Variants in MACROD2 observed in about 807,000 individuals in gnomAD.
MACROD2 encodes ADP-ribose glycohydrolase MACROD2.
In MACROD2, 36 loss-of-function variants were observed where a neutral mutation model predicts 70.4. The ratio of observed to expected loss-of-function variants is 0.51; its 90% CI spans 0.39 to 0.68. MACROD2 has a LOEUF of 0.68. Among genes scored for constraint, MACROD2 ranks in the 30% least tolerant of loss-of-function variants. The pLI is 0.00. For synonymous variants in MACROD2, 172 were observed against 178.8 expected (o/e 0.96, Z 0.30); for missense variants, 496 against 538.4 (o/e 0.92, Z 0.78).
chr20:15,278,836 A>T (rs2077416734), intron 6 of MACROD2, among the ~76,000 whole-genome samples: 1 of 152,192 alleles, frequency 6.6e-6, no homozygotes, highest in South Asian at 2.1e-4. Flanking sequence ...AGTCAAATGA[A>T]GTAGTGATTT....
chr20:14,540,081 T>A (rs1313030671), intron 4 of MACROD2, among the ~76,000 whole-genome samples: 1 of 152,200 alleles, frequency 6.6e-6, no homozygotes, highest in Non-Finnish European at 1.5e-5. Context: ...TTCACATACA[T>A]TTTTAAAGAC....
chr20:14,800,947 A>G (rs2072567548), intron 5 of MACROD2, among the ~76,000 whole-genome samples: 1 of 152,126 alleles, frequency 6.6e-6, no homozygotes, highest in African/African-American at 2.4e-5. Context: ...GTGGACACAT[A>G]TGGTTACAGT....
At chr20:15,671,328 A>G (rs1041525445) in intron 8 of MACROD2, among the ~76,000 whole-genome samples, 1 of 152,306 alleles carries the variant, frequency 6.6e-6, no homozygotes, top group East Asian at 1.9e-4. Context: ...CAGGAAAGAC[A>G]TGGCCAGATT....
chr20:16,019,664 A>G (rs1247941874), intron 15 of MACROD2, among the ~76,000 whole-genome samples: 3 of 152,218 alleles, frequency 2.0e-5, no homozygotes, highest in African/African-American at 7.2e-5. Flanking sequence ...TTCCTGGCCC[A>G]GCAGCAACAG....
chr20:14,337,978 A>G (rs1022488844), intron 3 of MACROD2, among the ~76,000 whole-genome samples: 1 of 152,226 alleles, frequency 6.6e-6, no homozygotes, highest in African/African-American at 2.4e-5. Context: ...CTGTATTGAA[A>G]AGAAGTTAAC....
At chr20:15,482,850 G>T (rs1480080923) in intron 7 of MACROD2, among the ~76,000 whole-genome samples, 3 of 152,048 alleles carry the variant, frequency 2.0e-5, no homozygotes, top group Non-Finnish European at 4.4e-5. Flanking sequence ...ATGCCTATTT[G>T]CCATCTGTGT....
At chr20:15,047,067 G>A (rs372274) in intron 5 of MACROD2, among the ~76,000 whole-genome samples, 48,851 of 152,022 alleles carry the variant, frequency 0.32, 10,573 homozygotes, top group African/African-American at 0.63. Flanking sequence ...AATGTGTTTT[G>A]TTCACAATGA....
At chr20:14,287,455 CTTA>C (rs139947400) in intron 3 of MACROD2, among the ~76,000 whole-genome samples, 99,142 of 151,618 alleles carry the variant, frequency 0.65, 33,253 homozygotes, top group Non-Finnish European at 0.73. Flanking sequence ...TTTATCAAAA[CTTA>C]TTATATATTT....
chr20:15,061,041 A>G (rs1271209647), intron 5 of MACROD2, among the ~76,000 whole-genome samples: 1 of 152,186 alleles, frequency 6.6e-6, no homozygotes, highest in Admixed American at 6.5e-5. Context: ...AATAAAAGTC[A>G]AGATGGTATG....
intron 3 of MACROD2, among the ~76,000 whole-genome samples, chr20:14,204,597 A>G (rs2081507812): frequency 6.6e-6 from 1 of 152,190 alleles, no homozygotes; most frequent in Admixed American, 6.5e-5. Flanking sequence ...CTGCAATGGG[A>G]ATGTGGACTG....
chr20:15,213,816 G>A (rs2076784914), intron 5 of MACROD2, among the ~76,000 whole-genome samples: 1 of 152,088 alleles, frequency 6.6e-6, no homozygotes, highest in Admixed American at 6.5e-5. Context: ...TTTATCAGAA[G>A]CTGCAAACAC....
chr20:14,327,638 A>G (rs1320007849), intron 3 of MACROD2: 12 of 1,017,188 alleles, frequency 1.2e-5, no homozygotes, highest in South Asian at 1.9e-5. Context: ...AAATGTGGAA[A>G]CTAAAATATC....
Position 14,448,905 on chromosome 20 carries a change from GA to G in MACROD2, c.272-44573del, listed in dbSNP as rs1259400085. Among the ~76,000 whole-genome samples the G allele has an allele frequency of 2.6e-5, 4 of 152,050 alleles. No homozygotes were observed. In the East Asian group the frequency reaches 7.7e-4, roughly 29 times the overall value. ...ATTTTCTGCCTTTTAGAGAGTAATG[GA>G]GTATTGTATAACTCATTGAGGATTG... On this transcript the variant is annotated intron_variant, in intron 3 of 17. Transcript: ENST00000684519.
chr20:14,267,648 T>C (rs535144758), intron 3 of MACROD2, among the ~76,000 whole-genome samples: 1 of 152,220 alleles, frequency 6.6e-6, no homozygotes, highest in East Asian at 1.9e-4. Flanking sequence ...GTTGCTCTAG[T>C]TAGGTCTTAC....
At chr20:14,527,877 T>TAAAC (rs1486360770) in intron 4 of MACROD2, among the ~76,000 whole-genome samples, 8 of 152,220 alleles carry the variant, frequency 5.3e-5, no homozygotes, top group African/African-American at 1.4e-4. Context: ...CACTTAAAGG[T>TAAAC]CAATTATTTC....
intron 8 of MACROD2, among the ~76,000 whole-genome samples, chr20:15,594,407 A>G (rs569996875): frequency 1.3e-5 from 2 of 152,264 alleles, no homozygotes; most frequent in East Asian, 3.9e-4. Flanking sequence ...ACTGCAAACA[A>G]CATTCTTGTG....
At chr20:14,648,180 A>G (rs1298756916) in intron 4 of MACROD2, among the ~76,000 whole-genome samples, 1 of 152,182 alleles carries the variant, frequency 6.6e-6, no homozygotes, top group South Asian at 2.1e-4. Context: ...AATCTTGGCA[A>G]TGTGATGTTT....
chr20:15,977,477 T>A (rs1359977810), intron 13 of MACROD2, among the ~76,000 whole-genome samples: 1 of 152,188 alleles, frequency 6.6e-6, no homozygotes, highest in East Asian at 1.9e-4. Flanking sequence ...AAATATAATG[T>A]GTGGAGTGCT....
At chr20:15,749,433 C>A (rs189813525) in intron 8 of MACROD2, among the ~76,000 whole-genome samples, 1 of 151,942 alleles carries the variant, frequency 6.6e-6, no homozygotes, top group East Asian at 1.9e-4. Flanking sequence ...TATTAATTTT[C>A]CTCCCTAAAA....
Sources: allele counts gnomAD v4.1 joint callset (sites outside exome capture counted in the v4.1 genomes callset), GRCh38; gene constraint gnomAD v4.1.1; transcripts MANE v1.5; gene names NCBI Gene and HGNC (gene_info 2026-07-23, HGNC 2026-07-21).